SVOP: variants seen among roughly 807,000 people sequenced by gnomAD.
SVOP encodes the protein SV2 related protein.
SVOP carries 17 observed loss-of-function variants against 69.1 expected under a neutral mutation model. The ratio of observed to expected loss-of-function variants is 0.25; its 90% CI spans 0.17 to 0.37. The LOEUF (loss-of-function observed/expected upper bound fraction) is 0.37, where lower values mean the gene tolerates loss of function less well. Among genes scored for constraint, SVOP ranks in the 10% least tolerant of loss-of-function variants. The pLI is 1.00. For synonymous variants in SVOP, 238 were observed against 238.6 expected (o/e 1.00, Z 0.02); for missense variants, 435 against 597.5 (o/e 0.73, Z 2.84).
At chr12:108,982,909 T>TCTC in intron 2 of SVOP, among the ~76,000 whole-genome samples, 1 of 131,900 alleles carries the variant, frequency 7.6e-6, no homozygotes, top group Admixed American at 7.7e-5. Flanking sequence ...TTGCCATCCT[T>TCTC]ATCATCTTTC....
At chr12:109,007,098 T>A (rs537459602) in intron 1 of SVOP, among the ~76,000 whole-genome samples, 1 of 152,260 alleles carries the variant, frequency 6.6e-6, no homozygotes, top group East Asian at 1.9e-4. Context: ...GACATCTTCA[T>A]AGGGAGGCTC....
intron 6 of SVOP, among the ~76,000 whole-genome samples, chr12:108,951,599 C>CATGTGAGACCT (rs2039954029): frequency 6.6e-6 from 1 of 152,116 alleles, no homozygotes; most frequent in Admixed American, 6.5e-5. Context: ...CTCTTATCTG[C>CATGTGAGACCT]CTTAAAGGGT....
chr12:108,948,130 G>C (rs953551904), intron 6 of SVOP, among the ~76,000 whole-genome samples: 1 of 152,132 alleles, frequency 6.6e-6, no homozygotes, highest in Non-Finnish European at 1.5e-5. Flanking sequence ...GGAGGGGTGG[G>C]GGTCAGATCC....
At chr12:108,963,714 C>G (rs1011590761) in intron 5 of SVOP, among the ~76,000 whole-genome samples, 1 of 151,962 alleles carries the variant, frequency 6.6e-6, no homozygotes, top group African/African-American at 2.4e-5. Context: ...GCCATGTTGC[C>G]CAGGCTGGTC....
At chr12:108,954,481 G>A (rs904862068) in intron 6 of SVOP, among the ~76,000 whole-genome samples, 1 of 152,156 alleles carries the variant, frequency 6.6e-6, no homozygotes, top group African/African-American at 2.4e-5. Context: ...TGAGATAAGG[G>A]GGAAAGGCCC....
rs542990906 is a variant in SVOP, at chr12:108,918,636, G to A, written c.1269-512C>T. On this transcript the variant is annotated intron_variant, in intron 13 of 15. Coordinates refer to ENST00000610966, the MANE Select transcript of SVOP (RefSeq NM_018711.5). ...AGATTCCTCACTAGGTGTGGTCTGG[G>A]GCCTCTCAGAGATCAATAGAGGCAT... Among the ~76,000 whole-genome samples the A allele has an allele frequency of 2.0e-5, 3 of 152,182 alleles. No individual in the cohort carries two copies. The South Asian group carries it at 6.2e-4, about 32-fold the overall frequency.
In SVOP at chr12:108,910,484, G is replaced by A. The variant is rs2039675414; in HGVS notation, c.*2051C>T. ...CAAAAGTTCTGTGTTACCCAGGAGAGCTCAGCTGTCCAGAAATAATTAGAG... is the reference window on the plus strand; with the variant it reads ...CAAAAGTTCTGTGTTACCCAGGAGAACTCAGCTGTCCAGAAATAATTAGAG... On this transcript the variant is annotated 3_prime_UTR_variant, in exon 16 of 16. Coordinates refer to ENST00000610966, the MANE Select transcript of SVOP (RefSeq NM_018711.5). The A allele has an allele frequency of 6.6e-6, 1 of 152,258 alleles. No homozygotes were observed. Among genetic ancestry groups the A allele is most frequent in the African/African-American group, 2.4e-5 (1 of 41,452 alleles). The allele number at this position is 152,258 out of a possible 1,614,324, so 9.4% of individuals were successfully genotyped here.
chr12:108,913,761 G>T (rs1211164718), intron 15 of SVOP, among the ~76,000 whole-genome samples: 1 of 152,180 alleles, frequency 6.6e-6, no homozygotes, highest in African/African-American at 2.4e-5. Flanking sequence ...CAATTTTTCT[G>T]CCTCAGCCTT....
In SVOP at chr12:108,972,559, T is replaced by C. The variant is rs946977382; in HGVS notation, c.382-83A>G. The C allele has an allele frequency of 2.9e-6, 4 of 1,369,150 alleles. No individual in the cohort carries two copies. The African/African-American group carries it at 4.3e-5, about 15-fold the overall frequency. The allele number at this position is 1,369,150 out of a possible 1,614,324, so 84.8% of individuals were successfully genotyped here. A position where few individuals can be genotyped will look rare whatever the true frequency, so the allele number is the denominator to read the frequency against. On this transcript the variant is annotated intron_variant, in intron 4 of 15. Transcript: ENST00000610966. ...GGAACAACAAACGGAAGTGGTGACG[T>C]CACCCTCTAGGTAACAGCAATGATC...
At chr12:108,946,690 T>TTTATTA (rs370752888) in intron 6 of SVOP, among the ~76,000 whole-genome samples, 11,264 of 136,306 alleles carry the variant, frequency 0.083, 519 homozygotes, top group East Asian at 0.13. Flanking sequence ...GCAACCTGTT[T>TTTATTA]TTATTATTAT....
intron 10 of SVOP, among the ~76,000 whole-genome samples, chr12:108,934,989 T>C (rs2039847663): frequency 6.6e-6 from 1 of 152,256 alleles, no homozygotes; most frequent in Non-Finnish European, 1.5e-5. Context: ...TCTTGAATTA[T>C]TTCTTGCATG....
At chr12:108,947,199 C>G (rs999343080) in intron 6 of SVOP, among the ~76,000 whole-genome samples, 8 of 152,162 alleles carry the variant, frequency 5.3e-5, no homozygotes, top group African/African-American at 1.9e-4. Context: ...TGGAGTCTGT[C>G]ATCACCTTTC....
rs74189424 is a variant in SVOP, at chr12:108,958,316, T to TTA, written c.578+2606_578+2607insTA. Among the ~76,000 whole-genome samples, 247 of 149,928 alleles carry TTA rather than the reference T, an allele frequency of 1.6e-3. 3 individuals carry two copies. Among genetic ancestry groups the TTA allele is most frequent in the South Asian group, 3.6e-3 (17 of 4,720 alleles). On this transcript the variant is annotated intron_variant, in intron 6 of 15. Transcript: ENST00000610966. Reference sequence around the variant, plus strand: ...ACCATGCCTGGCCTTTTTTTTTTTTTAATTTAATACTGTGTTTCTACTGTA... The same window carrying TTA: ...ACCATGCCTGGCCTTTTTTTTTTTTTTAAATTTAATACTGTGTTTCTACTGTA...
chr12:108,934,162 T>C, intron 11 of SVOP, 33 bp downstream of exon 11: 2 of 1,565,944 alleles, frequency 1.3e-6, no homozygotes, highest in Non-Finnish European at 8.7e-7. Flanking sequence ...GGTGTGGGAG[T>C]AGTTAGCTGG....
rs1032226912 is a variant in SVOP, at chr12:109,013,968, A to C, written c.35+6866T>G. Reference sequence around the variant, plus strand: ...GTCTTTTTGTGACTGCTTTATTTGCACAATGTCTGCAAGCTTCATCTGCAT... The same window carrying C: ...GTCTTTTTGTGACTGCTTTATTTGCCCAATGTCTGCAAGCTTCATCTGCAT... On this transcript the variant is annotated intron_variant, in intron 1 of 15. Coordinates refer to ENST00000610966, the MANE Select transcript of SVOP (RefSeq NM_018711.5). 6.0e-5 allele frequency among the ~76,000 whole-genome samples: 9 copies of C among 150,356 alleles called. No homozygotes were observed. The South Asian group carries it at 8.4e-4, about 14-fold the overall frequency.
chr12:109,019,493 A>G (rs2040384805), intron 1 of SVOP, among the ~76,000 whole-genome samples: 1 of 152,122 alleles, frequency 6.6e-6, no homozygotes, highest in South Asian at 2.1e-4. Context: ...CACATTTCTG[A>G]TATTAAATTA....
intron 5 of SVOP, among the ~76,000 whole-genome samples, chr12:108,966,385 G>A (rs144429577): frequency 2.0e-5 from 3 of 152,304 alleles, no homozygotes; most frequent in African/African-American, 7.2e-5. Context: ...ACTCCCAGGT[G>A]GTAGAAACTT....
At chr12:108,959,135 C>T (rs2040002170) in intron 6 of SVOP, among the ~76,000 whole-genome samples, 1 of 152,110 alleles carries the variant, frequency 6.6e-6, no homozygotes, top group African/African-American at 2.4e-5. Context: ...AATGAATACA[C>T]TACAAGGGAT....
At chr12:108,929,804 C>T (rs1000557683) in intron 11 of SVOP, among the ~76,000 whole-genome samples, 1 of 152,192 alleles carries the variant, frequency 6.6e-6, no homozygotes, top group African/African-American at 2.4e-5. Flanking sequence ...TGAAATTTTC[C>T]TTCACTGCTT....
Sources: allele counts gnomAD v4.1 joint callset (sites outside exome capture counted in the v4.1 genomes callset), GRCh38; gene constraint gnomAD v4.1.1; transcripts MANE v1.5; gene names NCBI Gene and HGNC (gene_info 2026-07-23, HGNC 2026-07-21).